Variants in WWOX observed in about 807,000 individuals in gnomAD.
WWOX encodes the protein WW domain-containing oxidoreductase.
A neutral mutation model predicts 46.2 loss-of-function variants in WWOX; 69 were observed. The ratio of observed to expected loss-of-function variants is 1.49; its 90% CI spans 1.23 to 1.82. The LOEUF (loss-of-function observed/expected upper bound fraction) is 1.82. Among genes scored for constraint, WWOX ranks in the 40% most tolerant of loss-of-function variants. The pLI is 0.00. For missense variants in WWOX, 919 were observed against 542.6 expected, an observed-to-expected ratio of 1.69 and a Z score of -6.89; for synonymous variants, 359 against 202.6, an observed-to-expected ratio of 1.77 and a Z score of -6.56.
At chr16:78,746,988 A>C (rs1327735164) in intron 8 of WWOX, among the ~76,000 whole-genome samples, 1 of 152,074 alleles carries the variant, frequency 6.6e-6, no homozygotes, top group African/African-American at 2.4e-5. Context: ...CAGGGTCTAC[A>C]TGTCCTGAAG....
At chr16:79,020,051 G>A (rs1428455334) in intron 8 of WWOX, among the ~76,000 whole-genome samples, 2 of 152,178 alleles carry the variant, frequency 1.3e-5, no homozygotes, top group African/African-American at 2.4e-5. Flanking sequence ...AATAACTTCT[G>A]CCTTTCTTAT....
intron 8 of WWOX, among the ~76,000 whole-genome samples, chr16:78,463,081 C>T (rs1269996421): frequency 6.6e-6 from 1 of 152,116 alleles, no homozygotes; most frequent in African/African-American, 2.4e-5. Flanking sequence ...AGGGGCAGGT[C>T]TTTGTTTCAT....
chr16:78,619,604 T>G (rs973580039), intron 8 of WWOX, among the ~76,000 whole-genome samples: 1 of 151,718 alleles, frequency 6.6e-6, no homozygotes, highest in Non-Finnish European at 1.5e-5. Context: ...GCAATAGTGA[T>G]AGTAAAAAGA....
chr16:78,555,956 G>A (rs2044284362), intron 8 of WWOX, among the ~76,000 whole-genome samples: 2 of 152,230 alleles, frequency 1.3e-5, no homozygotes, highest in South Asian at 2.1e-4. Flanking sequence ...CGCTGCTTAT[G>A]AAATGCAAGG....
rs549162039 is a variant in WWOX at position 78,379,494 on chromosome 16, T to G, written c.517-7366T>G. ...GACGTGTTCCTTTATTTCACCCACA[T>G]AGTGATGATGCTTCCAACACAGCAT... On this transcript the variant is annotated intron_variant, in intron 5 of 8. Coordinates refer to ENST00000566780, the MANE Select transcript of WWOX (RefSeq NM_016373.4). 1.1e-4 allele frequency among the ~76,000 whole-genome samples: 17 copies of G among 152,310 alleles called. No individual in the cohort carries two copies. In the South Asian group the frequency reaches 3.5e-3, roughly 32 times the overall value.
At chr16:78,305,698 C>G (rs2080123019) in intron 5 of WWOX, among the ~76,000 whole-genome samples, 1 of 151,932 alleles carries the variant, frequency 6.6e-6, no homozygotes, top group Non-Finnish European at 1.5e-5. Context: ...AGAAAGTCAC[C>G]CACCCACCAC....
intron 8 of WWOX, among the ~76,000 whole-genome samples, chr16:78,831,045 T>A (rs1812700733): frequency 6.6e-6 from 1 of 152,068 alleles, no homozygotes; most frequent in South Asian, 2.1e-4. Flanking sequence ...CAGAATGTGA[T>A]GTTTTGGGAG....
At chr16:79,116,500 C>A (rs1052532364) in intron 8 of WWOX, among the ~76,000 whole-genome samples, 8 of 152,176 alleles carry the variant, frequency 5.3e-5, no homozygotes, top group Non-Finnish European at 8.8e-5. Context: ...AGAGCAAGTT[C>A]CATTGCAAGA....
At chr16:78,846,257 T>C (rs1410292682) in intron 8 of WWOX, among the ~76,000 whole-genome samples, 2 of 152,220 alleles carry the variant, frequency 1.3e-5, no homozygotes. Context: ...TTTTCAGCAC[T>C]GAGAAGTTAA....
intron 8 of WWOX, among the ~76,000 whole-genome samples, chr16:79,131,922 G>C (rs751025920): frequency 1.3e-5 from 2 of 152,102 alleles, no homozygotes; most frequent in African/African-American, 4.8e-5. Flanking sequence ...AGCTTGTTCA[G>C]GGAAACCCCT....
intron 8 of WWOX, among the ~76,000 whole-genome samples, chr16:78,991,039 C>T (rs567835478): frequency 5.9e-5 from 9 of 152,308 alleles, no homozygotes; most frequent in African/African-American, 1.7e-4. Flanking sequence ...TGCCTTTGAA[C>T]AGAGCAGGAC....
chr16:78,103,240 C>A (rs1361390081), intron 1 of WWOX, among the ~76,000 whole-genome samples: 2 of 117,304 alleles, frequency 1.7e-5, no homozygotes, highest in African/African-American at 5.5e-5. Flanking sequence ...TCTGGCTCCG[C>A]TGTTTTTTTT....
At chr16:78,247,558 C>CT (rs913229692) in intron 5 of WWOX, among the ~76,000 whole-genome samples, 3 of 152,272 alleles carry the variant, frequency 2.0e-5, no homozygotes, top group Non-Finnish European at 4.4e-5. Context: ...ACTGCAATCT[C>CT]TATTTCCTTC....
chr16:78,961,812 A>G (rs1401240360), intron 8 of WWOX, among the ~76,000 whole-genome samples: 1 of 152,174 alleles, frequency 6.6e-6, no homozygotes, highest in East Asian at 1.9e-4. Context: ...GCTGTCCTGA[A>G]TCTTAATGCA....
chr16:78,868,784 G>A (rs8051859), intron 8 of WWOX, among the ~76,000 whole-genome samples: 80,353 of 152,064 alleles, frequency 0.53, 22,671 homozygotes, highest in African/African-American at 0.72. Flanking sequence ...CTAACCCTCA[G>A]ATAATGACCA....
chr16:78,634,589 C>G (rs1040543779), intron 8 of WWOX, among the ~76,000 whole-genome samples: 5 of 151,908 alleles, frequency 3.3e-5, no homozygotes, highest in Admixed American at 1.3e-4. Context: ...GCCTGTAATC[C>G]CAGCTATTCA....
At chr16:79,062,938 A>G (rs902049596) in intron 8 of WWOX, among the ~76,000 whole-genome samples, 47 of 152,240 alleles carry the variant, frequency 3.1e-4, no homozygotes, top group African/African-American at 1.1e-3. Flanking sequence ...CAAAAGGTCA[A>G]TTACCCACCC....
chr16:79,133,737 G>A (rs753329577), intron 8 of WWOX, among the ~76,000 whole-genome samples: 30 of 152,300 alleles, frequency 2.0e-4, no homozygotes, highest in Non-Finnish European at 3.5e-4. Flanking sequence ...AGCTGAAGAA[G>A]TTTTCCTAAT....
At chr16:78,691,390 C>G (rs2142266248) in intron 8 of WWOX, 2 of 663,882 alleles carry the variant, frequency 3.0e-6, no homozygotes, top group East Asian at 2.7e-5. Context: ...CTAAGTTGGC[C>G]TACAGGGTGC....
Sources: gnomAD v4.1 joint callset for allele counts (sites outside exome capture counted in the v4.1 genomes callset) on GRCh38, gnomAD v4.1.1 for gene constraint, MANE v1.5 for transcripts, NCBI Gene and HGNC (gene_info 2026-07-23, HGNC 2026-07-21) for gene names.